SLC3A1: variants seen among roughly 807,000 people sequenced by gnomAD.
The protein encoded by SLC3A1 is solute carrier family 3 member 1, also known as amino acid transporter heavy chain SLC3A1.
In SLC3A1, 78 loss-of-function variants were observed where a neutral mutation model predicts 60.3. The ratio of observed to expected loss-of-function variants is 1.29; its 90% CI spans 1.08 to 1.56. The LOEUF (loss-of-function observed/expected upper bound fraction) is 1.56. Among genes scored for constraint, SLC3A1 ranks in the 40% most tolerant of loss-of-function variants. The pLI is 0.00. For missense variants in SLC3A1, 1,172 were observed against 858.9 expected, an observed-to-expected ratio of 1.36 and a Z score of -4.56; for synonymous variants, 392 against 307.9, an observed-to-expected ratio of 1.27 and a Z score of -2.86.
At chr2:44,310,844 G>T (rs1672278048) in intron 7 of SLC3A1, among the ~76,000 whole-genome samples, 1 of 151,938 alleles carries the variant, frequency 6.6e-6, no homozygotes, top group African/African-American at 2.4e-5. Flanking sequence ...TGTTGCCCAG[G>T]CTGGAGTGCA....
intron 9 of SLC3A1, chr2:44,317,617 G>T (rs949791617): frequency 6.6e-6 from 1 of 152,176 alleles, no homozygotes; most frequent in Non-Finnish European, 1.5e-5. Flanking sequence ...TTTTCAAGTG[G>T]TCATAATTTT....
chr2:44,295,524 C>G (rs1383480854), intron 4 of SLC3A1, among the ~76,000 whole-genome samples: 1 of 152,148 alleles, frequency 6.6e-6, no homozygotes, highest in East Asian at 1.9e-4. Flanking sequence ...TTTTCAAGAG[C>G]AAACTTTGGA....
At chr2:44,276,079 A>G (rs1007690755) in intron 1 of SLC3A1, 114 bp downstream of exon 1, 43 of 913,584 alleles carry the variant, frequency 4.7e-5, no homozygotes, top group Non-Finnish European at 6.9e-5. Context: ...TTCCATTATG[A>G]CTGGTCATGC....
At chr2:44,321,772 A>G (rs1256808128), downstream of SLC3A1, 1 of 1,613,642 alleles carries the variant, frequency 6.2e-7, no homozygotes, top group East Asian at 2.2e-5. Context: ...AAAATGTGAA[A>G]ACAACATGTA....
chr2:44,284,524 A>G (rs911243242), intron 3 of SLC3A1, among the ~76,000 whole-genome samples: 1 of 152,194 alleles, frequency 6.6e-6, no homozygotes, highest in African/African-American at 2.4e-5. Context: ...ACACATTCTC[A>G]TTAATTCCTG....
chr2:44,302,073 C>A (rs1672025250), intron 6 of SLC3A1, among the ~76,000 whole-genome samples: 1 of 151,882 alleles, frequency 6.6e-6, no homozygotes, highest in South Asian at 2.1e-4. Flanking sequence ...AATAAAAATA[C>A]CAGCTCCTTC....
chr2:44,300,177 C>T, intron 5 of SLC3A1, 87 bp downstream of exon 5: 1 of 1,376,446 alleles, frequency 7.3e-7, no homozygotes, highest in Non-Finnish European at 1.0e-6. Flanking sequence ...ATACCAGTTA[C>T]AAAGATGAGT....
chr2:44,289,117 G>A (rs1275525477), intron 4 of SLC3A1, among the ~76,000 whole-genome samples: 3 of 151,856 alleles, frequency 2.0e-5, no homozygotes, highest in African/African-American at 7.3e-5. Flanking sequence ...TTACAGGTGT[G>A]AGCCACCGCA....
chr2:44,310,594 C>G (rs752293390), intron 7 of SLC3A1, among the ~76,000 whole-genome samples: 3 of 152,030 alleles, frequency 2.0e-5, no homozygotes, highest in Non-Finnish European at 2.9e-5. Context: ...ACTGATATGT[C>G]TAAGTGTGGG....
chr2:44,301,496 T>C (rs1043768285), intron 6 of SLC3A1: 1 of 402,348 alleles, frequency 2.5e-6, no homozygotes, highest in Non-Finnish European at 4.6e-6. Context: ...AACCCAGCAC[T>C]GTAGGAGGCC....
intron 1 of SLC3A1, among the ~76,000 whole-genome samples, chr2:44,278,469 T>TAAATA (rs572472992): frequency 0.016 from 2,341 of 150,784 alleles, 33 homozygotes; most frequent in Non-Finnish European, 0.024. Context: ...AATAAATAAA[T>TAAATA]AAATAAAATA....
chr2:44,289,440 G>A (rs528811928), intron 4 of SLC3A1, among the ~76,000 whole-genome samples: 39 of 151,638 alleles, frequency 2.6e-4, no homozygotes, highest in African/African-American at 9.2e-4. Context: ...CGAACTCGTG[G>A]TCTCAAGCAA....
At chr2:44,308,022 C>G (rs1157970209) in intron 7 of SLC3A1, among the ~76,000 whole-genome samples, 2 of 152,136 alleles carry the variant, frequency 1.3e-5, no homozygotes, top group Admixed American at 1.3e-4. Context: ...CATCTGAAAT[C>G]CCAGCACTTT....
intron 4 of SLC3A1, among the ~76,000 whole-genome samples, chr2:44,291,735 G>A (rs1052087541): frequency 1.3e-5 from 2 of 152,120 alleles, no homozygotes; most frequent in African/African-American, 4.8e-5. Context: ...GCGGCGTTTG[G>A]AATGACTTGC....
At position 44,312,487 on chromosome 2, in the gene SLC3A1, C is replaced by T. The variant is rs995284211; in HGVS notation, c.1333-99C>T. ...GCTTGCTAGTACCAAGGTACCACAT[C>T]TACTTTGTTTTGCTACGTTGTGAAC... On this transcript the variant is annotated intron_variant, in intron 7 of 9. Coordinates refer to ENST00000260649, the MANE Select transcript of SLC3A1 (RefSeq NM_000341.4). 2.2e-5 allele frequency: 29 copies of T among 1,301,276 alleles called. No homozygotes were observed. The African/African-American group carries it at 3.3e-4, about 15-fold the overall frequency. 80.6% of individuals were successfully genotyped at this position (1,301,276 alleles called of 1,614,324 possible). A position where few individuals can be genotyped will look rare whatever the true frequency, so the allele number is the denominator to read the frequency against.
intron 9 of SLC3A1, among the ~76,000 whole-genome samples, chr2:44,315,614 C>G (rs1480613257): frequency 7.6e-6 from 1 of 131,880 alleles, no homozygotes; most frequent in Non-Finnish European, 1.6e-5. Flanking sequence ...TGTGATTACC[C>G]CAATGCACTC....
At chr2:44,289,961 G>A (rs1054948361) in intron 4 of SLC3A1, among the ~76,000 whole-genome samples, 1 of 152,052 alleles carries the variant, frequency 6.6e-6, no homozygotes, top group Non-Finnish European at 1.5e-5. Context: ...TTTGTTGCTT[G>A]TGCCTTTAGT....
chr2:44,312,170 T>A (rs1377253070), intron 7 of SLC3A1, among the ~76,000 whole-genome samples: 1 of 152,228 alleles, frequency 6.6e-6, no homozygotes, highest in Non-Finnish European at 1.5e-5. Context: ...AAAAATTTTG[T>A]CTGAATAATT....
At chr2:44,277,891 T>C (rs1257293352) in intron 1 of SLC3A1, among the ~76,000 whole-genome samples, 1 of 152,180 alleles carries the variant, frequency 6.6e-6, no homozygotes, top group Non-Finnish European at 1.5e-5. Context: ...AGGGATTTCA[T>C]TGTTGTTATT....
Sources: gnomAD v4.1 joint callset for allele counts (sites outside exome capture counted in the v4.1 genomes callset) on GRCh38, gnomAD v4.1.1 for gene constraint, MANE v1.5 for transcripts, NCBI Gene and HGNC (gene_info 2026-07-23, HGNC 2026-07-21) for gene names.